GRM1: variants seen among roughly 807,000 people sequenced by gnomAD.
GRM1 encodes the protein metabotropic glutamate receptor 1.
GRM1 carries 33 observed loss-of-function variants against 90.9 expected under a neutral mutation model. The ratio of observed to expected loss-of-function variants is 0.36; its 90% CI spans 0.28 to 0.49. The LOEUF is 0.49. Among genes scored for constraint, GRM1 ranks in the 20% least tolerant of loss-of-function variants. GRM1 has a pLI of 0.99. For missense variants in GRM1, 1,190 were observed against 1,534.3 expected (o/e 0.78, Z 3.75); for synonymous variants, 700 against 613.2 (o/e 1.14, Z -2.09).
chr6:146,034,633 C>T (rs780322307), intron 1 of GRM1, among the ~76,000 whole-genome samples: 18 of 151,838 alleles, frequency 1.2e-4, no homozygotes, highest in Non-Finnish European at 2.1e-4. Context: ...TTTGTGTCTC[C>T]AGGATTTAAC....
At chr6:146,231,738 G>T (rs777879790) in intron 2 of GRM1, among the ~76,000 whole-genome samples, 18 of 151,722 alleles carry the variant, frequency 1.2e-4, no homozygotes, top group Non-Finnish European at 2.9e-5. Flanking sequence ...TGTTAAATTA[G>T]CCTTTTTAAT....
chr6:146,079,359 G>A (rs967953281), intron 1 of GRM1, among the ~76,000 whole-genome samples: 1 of 152,130 alleles, frequency 6.6e-6, no homozygotes, highest in Non-Finnish European at 1.5e-5. Context: ...GGGATAAGAA[G>A]GCCATCTCCA....
intron 2 of GRM1, among the ~76,000 whole-genome samples, chr6:146,270,915 TCC>T (rs1468362253): frequency 0.022 from 1,751 of 79,638 alleles, 10 homozygotes; most frequent in African/African-American, 0.032. Context: ...CTTTCTTTCT[TCC>T]TTCCTTCCTT....
At chr6:146,132,103 A>T (rs1776420816) in intron 1 of GRM1, among the ~76,000 whole-genome samples, 1 of 152,246 alleles carries the variant, frequency 6.6e-6, no homozygotes, top group African/African-American at 2.4e-5. Flanking sequence ...GGCTGGCAAA[A>T]CAGGGATACT....
At chr6:146,430,062 G>C (rs1047198075) in intron 7 of GRM1, among the ~76,000 whole-genome samples, 1 of 152,154 alleles carries the variant, frequency 6.6e-6, no homozygotes, top group South Asian at 2.1e-4. Context: ...CTCTGGATCA[G>C]AGAACAGTGT....
In GRM1 at chr6:146,328,720, C is replaced by T. The variant is rs573234911; in HGVS notation, c.1187-23530C>T. Among the ~76,000 whole-genome samples, 27 of 152,260 alleles carry T rather than the reference C, an allele frequency of 1.8e-4. No individual in the cohort carries two copies. In the South Asian group the frequency reaches 3.3e-3, roughly 19 times the overall value. ...GTGATATTTGTCATAAGGTTCCCCTCGTATTTCTTTCTGTTCTTTTGAATT... is the reference window on the plus strand; with the variant it reads ...GTGATATTTGTCATAAGGTTCCCCTTGTATTTCTTTCTGTTCTTTTGAATT... On this transcript the variant is annotated intron_variant, in intron 3 of 7. Coordinates refer to ENST00000282753, the MANE Select transcript of GRM1 (RefSeq NM_001278064.2).
intron 2 of GRM1, among the ~76,000 whole-genome samples, chr6:146,166,140 C>A (rs900843490): frequency 6.6e-6 from 1 of 152,108 alleles, no homozygotes; most frequent in Non-Finnish European, 1.5e-5. Context: ...TTAACATGTT[C>A]TTGTAGCACT....
intron 6 of GRM1, among the ~76,000 whole-genome samples, chr6:146,391,540 T>C (rs1024878268): frequency 6.6e-6 from 1 of 152,038 alleles, no homozygotes; most frequent in Non-Finnish European, 1.5e-5. Context: ...CAAACACACC[T>C]GGAGGTTGGA....
chr6:146,037,999 C>T (rs1016463390), intron 1 of GRM1, among the ~76,000 whole-genome samples: 4 of 151,960 alleles, frequency 2.6e-5, no homozygotes, highest in Non-Finnish European at 4.4e-5. Context: ...TTGTTATCAT[C>T]TTGTAATAAA....
chr6:146,225,427 C>A (rs1424037399), intron 2 of GRM1, among the ~76,000 whole-genome samples: 1 of 152,100 alleles, frequency 6.6e-6, no homozygotes, highest in Non-Finnish European at 1.5e-5. Flanking sequence ...AATTCAACTG[C>A]AACCGTATCA....
intron 1 of GRM1, among the ~76,000 whole-genome samples, chr6:146,042,312 A>C (rs1354777980): frequency 2.0e-5 from 3 of 152,046 alleles, no homozygotes; most frequent in African/African-American, 7.2e-5. Flanking sequence ...GCTAATATGC[A>C]TCCTTGTTCC....
chr6:146,301,942 G>T (rs925185958), intron 2 of GRM1, among the ~76,000 whole-genome samples: 1 of 152,094 alleles, frequency 6.6e-6, no homozygotes, highest in Admixed American at 6.6e-5. Context: ...CATTTACCAT[G>T]AGGGAGGAGA....
chr6:146,295,989 C>T (rs776141085), intron 2 of GRM1, among the ~76,000 whole-genome samples: 16 of 152,154 alleles, frequency 1.1e-4, no homozygotes, highest in Non-Finnish European at 1.9e-4. Context: ...GTTTTCTGTT[C>T]CTGCATTAGT....
intron 2 of GRM1, among the ~76,000 whole-genome samples, chr6:146,191,942 G>A (rs188574305): frequency 4.6e-4 from 70 of 152,250 alleles, no homozygotes; most frequent in African/African-American, 1.7e-3. Flanking sequence ...GCTGGGGAAA[G>A]GACTATTTAT....
chr6:146,366,411 CT>C (rs1775688054), intron 5 of GRM1, among the ~76,000 whole-genome samples: 1 of 151,964 alleles, frequency 6.6e-6, no homozygotes, highest in Non-Finnish European at 1.5e-5. Context: ...TATAGTCCCC[CT>C]ATTGTGCTAT....
intron 7 of GRM1, among the ~76,000 whole-genome samples, chr6:146,414,112 T>C (rs1283360172): frequency 6.6e-6 from 1 of 152,190 alleles, no homozygotes; most frequent in African/African-American, 2.4e-5. Flanking sequence ...GTTTAACTTA[T>C]AAGAAATTGC....
Position 146,346,009 on chromosome 6 carries a change from C to T in GRM1, c.1187-6241C>T, listed in dbSNP as rs952200014. Reference sequence around the variant, plus strand: ...CAGCAAAGGCACACAGCAAGCAGCCCTTGTTTCCTCTCTTATAGAAACAAA... The same window carrying T: ...CAGCAAAGGCACACAGCAAGCAGCCTTTGTTTCCTCTCTTATAGAAACAAA... On this transcript the variant is annotated intron_variant, in intron 3 of 7. Coordinates refer to ENST00000282753, the MANE Select transcript of GRM1 (RefSeq NM_001278064.2). Among the ~76,000 whole-genome samples, 66 of 152,236 alleles carry T rather than the reference C, an allele frequency of 4.3e-4. 1 individual carries two copies. The highest frequency in any genetic ancestry group is 1.2e-4 in the Non-Finnish European group (8 of 68,038).
chr6:146,303,531 A>G (rs1239963867), intron 2 of GRM1, among the ~76,000 whole-genome samples: 1 of 152,204 alleles, frequency 6.6e-6, no homozygotes, highest in Non-Finnish European at 1.5e-5. Context: ...AGGAAGTTTT[A>G]CTGAATGACA....
intron 2 of GRM1, among the ~76,000 whole-genome samples, chr6:146,204,990 G>A (rs2114627320): frequency 6.6e-6 from 1 of 152,286 alleles, no homozygotes; most frequent in Non-Finnish European, 1.5e-5. Context: ...CCCCTTTACA[G>A]TGTTATGTAA....
Sources: allele counts gnomAD v4.1 joint callset (sites outside exome capture counted in the v4.1 genomes callset), GRCh38; gene constraint gnomAD v4.1.1; transcripts MANE v1.5; gene names NCBI Gene and HGNC (gene_info 2026-07-23, HGNC 2026-07-21).